The following MTDH variants were observed in gnomAD, a reference collection of about 807,000 sequenced individuals.
The protein encoded by MTDH is protein LYRIC.
In MTDH, 34 loss-of-function variants were observed where a neutral mutation model predicts 72.7. That is an observed-to-expected ratio of 0.47 (90% CI 0.36 to 0.62). MTDH has a LOEUF of 0.62. MTDH is among the 20% of genes least tolerant of loss of function. MTDH has a pLI of 0.00. For missense variants in MTDH, 677 were observed against 699.4 expected, an observed-to-expected ratio of 0.97 and a Z score of 0.36; for synonymous variants, 266 against 268.9, an observed-to-expected ratio of 0.99 and a Z score of 0.10.
intron 2 of MTDH, among the ~76,000 whole-genome samples, chr8:97,681,736 G>A (rs769594511): frequency 4.0e-5 from 6 of 151,792 alleles, no homozygotes; most frequent in Admixed American, 2.0e-4. Context: ...CAGGTAATCC[G>A]CCCACCTCAG....
rs1440295049 is a variant in MTDH at position 97,726,927 on chromosome 8, A to G, written c.*2257A>G. On this transcript the variant is annotated 3_prime_UTR_variant, in exon 12 of 12. Transcript: ENST00000336273. ...ATCTTTACTAAAAATACAAAAAAAA[A>G]AATTAGCTGGGTGTGGTGGTGGGCT... 1 of 151,652 alleles carries G rather than the reference A, an allele frequency of 6.6e-6. No individual in the cohort carries two copies. Among genetic ancestry groups the G allele is most frequent in the Non-Finnish European group, 1.5e-5 (1 of 67,966 alleles). 9.4% of individuals were successfully genotyped at this position (151,652 alleles called of 1,614,324 possible).
chr8:97,677,048 T>C (rs1345729629), intron 2 of MTDH, among the ~76,000 whole-genome samples: 5 of 135,632 alleles, frequency 3.7e-5, no homozygotes, highest in African/African-American at 1.1e-4. Flanking sequence ...CCAGGCATGA[T>C]GACGCATGCC....
chr8:97,713,721 GAAAAA>G lies in MTDH; in HGVS notation c.1336_1340del (p.Lys446GlufsTer7). 6.2e-7 allele frequency: 1 copy of G among 1,604,260 alleles called. No homozygotes were observed. The highest frequency in any genetic ancestry group is 8.5e-7 in the Non-Finnish European group (1 of 1,175,900). ...CTCTTCCAACTGGGAAATCCAAAAAGAAAAAAAAGAAAAAGAAGAAGCAAGGTGAA... is the reference window on the plus strand; with the variant it reads ...CTCTTCCAACTGGGAAATCCAAAAAGAAAGAAAAAGAAGAAGCAAGGTGAA... On this transcript the variant is annotated frameshift_variant, in exon 9 of 12. Coordinates refer to ENST00000336273, the MANE Select transcript of MTDH (RefSeq NM_178812.4). LOFTEE classifies it high-confidence loss of function.
rs1563542270 is a variant in MTDH, at chr8:97,682,245, TATATATATATATATATATATATATATATA to T, written c.484-4422_484-4394del. On this transcript the variant is annotated intron_variant, in intron 2 of 11. Coordinates refer to ENST00000336273, the MANE Select transcript of MTDH (RefSeq NM_178812.4). ...GTTAATTACTTTATATATATATATA[TATATATATATATATATATATATATATATA>T]TATATATTTTTTTTTTTTTTTTTTT... 1.2e-3 allele frequency among the ~76,000 whole-genome samples: 14 copies of T among 12,138 alleles called. 3 individuals carry two copies. The highest frequency in any genetic ancestry group is 1.7e-3 in the African/African-American group (4 of 2,302). 8.0% of individuals were successfully genotyped at this position (12,138 alleles called of 152,430 possible).
At chr8:97,668,834 C>T (rs1320236636) in intron 2 of MTDH, among the ~76,000 whole-genome samples, 2 of 152,162 alleles carry the variant, frequency 1.3e-5, no homozygotes, top group Non-Finnish European at 1.5e-5. Flanking sequence ...GGATTACAGG[C>T]ATGAGCCACC....
In MTDH at chr8:97,723,013, A is replaced by G. The variant is rs374090346; in HGVS notation, c.1656A>G (p.Gln552=). The G allele has an allele frequency of 2.3e-5, 37 of 1,613,908 alleles. No homozygotes were observed. In the African/African-American group the frequency reaches 4.3e-4, roughly 19 times the overall value. The change falls in exon 11 of 12, where the codon CAA becomes CAG. Residue 552 remains glutamine, a synonymous_variant. Transcript: ENST00000336273. ...ATAAATCCAAGTCAAATACCAAGCA[A>G]AATAGTGTGCCTCCTTCACAGAGTA... ...ETDKSKSNTK[Q]NSVPPSQTKS... is the part of the protein sequence containing the mutation.
In MTDH at chr8:97,728,026, C is replaced by T. The variant is rs2131103362; in HGVS notation, c.*3356C>T. The T allele has an allele frequency of 6.6e-6, 1 of 152,126 alleles. No individual in the cohort carries two copies. Among genetic ancestry groups the T allele is most frequent in the East Asian group, 1.9e-4 (1 of 5,182 alleles). The allele number at this position is 152,126 out of a possible 1,614,324, so 9.4% of individuals were successfully genotyped here. ...CTGGTTTATATTTGCATTAAAGATA[C>T]TGGAGGGCAATATTTACAGAGTTTA... On this transcript the variant is annotated 3_prime_UTR_variant, in exon 12 of 12. Coordinates refer to ENST00000336273, the MANE Select transcript of MTDH (RefSeq NM_178812.4).
intron 2 of MTDH, among the ~76,000 whole-genome samples, chr8:97,674,833 CA>C (rs1026891967): frequency 6.6e-5 from 10 of 151,234 alleles, no homozygotes; most frequent in Non-Finnish European, 1.5e-4. Context: ...TTTCTTGAGA[CA>C]GAGTCTTGCT....
At chr8:97,664,941 A>C (rs1156325233) in intron 2 of MTDH, among the ~76,000 whole-genome samples, 4 of 152,096 alleles carry the variant, frequency 2.6e-5, no homozygotes. Context: ...TTGTATTTTT[A>C]GTAGAGACGG....
rs1815422594 is a variant in MTDH at position 97,727,943 on chromosome 8, G to C, written c.*3273G>C. 6.6e-6 allele frequency: 1 copy of C among 152,052 alleles called. No homozygotes were observed. Among genetic ancestry groups the C allele is most frequent in the Non-Finnish European group, 1.5e-5 (1 of 68,022 alleles). The allele number at this position is 152,052 out of a possible 1,614,324, so 9.4% of individuals were successfully genotyped here. Reference sequence around the variant, plus strand: ...GTTTACTTTATGCATGCATTTTATTGGGGAGGGGAGGTCAGAATAATTCAC... The same window carrying C: ...GTTTACTTTATGCATGCATTTTATTCGGGAGGGGAGGTCAGAATAATTCAC... On this transcript the variant is annotated 3_prime_UTR_variant, in exon 12 of 12. Coordinates refer to ENST00000336273, the MANE Select transcript of MTDH (RefSeq NM_178812.4).
intron 5 of MTDH, among the ~76,000 whole-genome samples, 173 bp from the exon 6 acceptor site, chr8:97,690,779 A>G (rs748806799): frequency 6.6e-6 from 1 of 152,218 alleles, no homozygotes; most frequent in Non-Finnish European, 1.5e-5. Flanking sequence ...CTTTGTTAGT[A>G]TATATGTTAT....
At chr8:97,714,826 T>C (rs1475952267) in intron 9 of MTDH, among the ~76,000 whole-genome samples, 1 of 151,854 alleles carries the variant, frequency 6.6e-6, no homozygotes, top group East Asian at 1.9e-4. Flanking sequence ...TATTTGTTTA[T>C]CTTTTTTTTT....
intron 11 of MTDH, among the ~76,000 whole-genome samples, chr8:97,723,509 T>C (rs896416127): frequency 3.3e-5 from 5 of 151,470 alleles, no homozygotes; most frequent in South Asian, 4.2e-4. Context: ...TTTGAGAGGC[T>C]GAGGCGGGCG....
At chr8:97,681,010 C>A (rs1813045706) in intron 2 of MTDH, among the ~76,000 whole-genome samples, 1 of 151,866 alleles carries the variant, frequency 6.6e-6, no homozygotes, top group Non-Finnish European at 1.5e-5. Context: ...GACAAATGAC[C>A]AAATCTTTTT....
chr8:97,701,860 A>G (rs1415031028), intron 7 of MTDH, among the ~76,000 whole-genome samples: 2 of 152,182 alleles, frequency 1.3e-5, no homozygotes, highest in South Asian at 2.1e-4. Context: ...TAAAACATGT[A>G]TCCACAGGAT....
intron 1 of MTDH, among the ~76,000 whole-genome samples, chr8:97,654,026 C>T (rs1302994915): frequency 1.3e-5 from 2 of 152,262 alleles, no homozygotes; most frequent in South Asian, 2.1e-4. Flanking sequence ...ACAGTTATTA[C>T]CATCTCCCCA....
Position 97,668,711 on chromosome 8 carries a change from C to T in MTDH, c.483+7538C>T, listed in dbSNP as rs1363681369. Among the ~76,000 whole-genome samples, 5 of 152,012 alleles carry T rather than the reference C, an allele frequency of 3.3e-5. No homozygotes were observed. In the East Asian group the frequency reaches 7.7e-4, roughly 24 times the overall value. On this transcript the variant is annotated intron_variant, in intron 2 of 11. Coordinates refer to ENST00000336273, the MANE Select transcript of MTDH (RefSeq NM_178812.4). Reference sequence around the variant, plus strand: ...CTGGGATTACAGGCGCCCACCATGACGCCTGGCTAATTTTTGTATTTTTAA... The same window carrying T: ...CTGGGATTACAGGCGCCCACCATGATGCCTGGCTAATTTTTGTATTTTTAA...
chr8:97,699,905 C>A, intron 7 of MTDH, 53 bp downstream of exon 7: 2 of 1,139,510 alleles, frequency 1.8e-6, no homozygotes, highest in South Asian at 1.3e-5. Context: ...TTCTTTCTAG[C>A]ACCCTGAATT....
At chr8:97,675,867 G>C (rs1812824526) in intron 2 of MTDH, among the ~76,000 whole-genome samples, 1 of 150,900 alleles carries the variant, frequency 6.6e-6, no homozygotes, top group Non-Finnish European at 1.5e-5. Flanking sequence ...GCCAGACCCT[G>C]TCTACAAAAA....
Sources: allele counts gnomAD v4.1 joint callset (sites outside exome capture counted in the v4.1 genomes callset), GRCh38; gene constraint gnomAD v4.1.1; transcripts MANE v1.5; gene names NCBI Gene and HGNC (gene_info 2026-07-23, HGNC 2026-07-21).